The following MBNL1 variants were observed in gnomAD, a reference collection of about 807,000 sequenced individuals.
The protein encoded by MBNL1 is muscleblind like splicing regulator 1, also known as muscleblind-like protein 1.
A neutral mutation model predicts 42.2 loss-of-function variants in MBNL1; 8 were observed. The ratio of observed to expected loss-of-function variants is 0.19; its 90% CI spans 0.11 to 0.34. The LOEUF is 0.34. Ranked by LOEUF, MBNL1 falls within the 10% of genes least tolerant of loss-of-function variation. The probability of loss-of-function intolerance (pLI) is 1.00; values close to 1 mark genes in which losing one functional copy is unlikely to be tolerated. For synonymous variants in MBNL1, 169 were observed against 173.9 expected (o/e 0.97, Z 0.22); for missense variants, 309 against 495.3 (o/e 0.62, Z 3.57).
intron 4 of MBNL1, among the ~76,000 whole-genome samples, chr3:152,440,988 A>G (rs2099138513): frequency 1.3e-5 from 2 of 152,170 alleles, no homozygotes; most frequent in Admixed American, 1.3e-4. Context: ...TTGGCCATTA[A>G]CTATTAAATT....
intron 1 of MBNL1, among the ~76,000 whole-genome samples, chr3:152,275,851 T>A (rs1388363922): frequency 6.6e-6 from 1 of 151,924 alleles, no homozygotes; most frequent in Non-Finnish European, 1.5e-5. Flanking sequence ...ATATTATTAT[T>A]ATTTTAATAT....
intron 2 of MBNL1, among the ~76,000 whole-genome samples, chr3:152,335,986 C>T (rs2089783494): frequency 1.3e-5 from 2 of 152,082 alleles, no homozygotes; most frequent in Non-Finnish European, 2.9e-5. Flanking sequence ...TGTGGCACTA[C>T]CGGACAGTAA....
At chr3:152,246,980 C>T (rs2033200346) in intron 2 of MBNL1, among the ~76,000 whole-genome samples, 1 of 152,036 alleles carries the variant, frequency 6.6e-6, no homozygotes. Context: ...TATTATTTTT[C>T]AAATAATAAT....
chr3:152,360,685 C>T (rs1258256726), intron 2 of MBNL1, among the ~76,000 whole-genome samples: 2 of 152,028 alleles, frequency 1.3e-5, no homozygotes, highest in Non-Finnish European at 2.9e-5. Flanking sequence ...ATTTTCTCCT[C>T]AGCTTTTATT....
chr3:152,284,801 T>G (rs773402361), intron 1 of MBNL1, among the ~76,000 whole-genome samples: 7 of 152,092 alleles, frequency 4.6e-5, no homozygotes, highest in Non-Finnish European at 1.0e-4. Context: ...ATTTTAAGCT[T>G]CTCTAAGAAA....
At chr3:152,409,098 T>G (rs1579799109) in intron 2 of MBNL1, among the ~76,000 whole-genome samples, 1 of 152,198 alleles carries the variant, frequency 6.6e-6, no homozygotes, top group Non-Finnish European at 1.5e-5. Flanking sequence ...CAAAAGCCAG[T>G]AAACTGTGAT....
At chr3:152,254,557 T>G (rs762889000) in intron 2 of MBNL1, among the ~76,000 whole-genome samples, 2 of 152,166 alleles carry the variant, frequency 1.3e-5, no homozygotes, top group Non-Finnish European at 2.9e-5. Flanking sequence ...TTCAATATTT[T>G]TTTGTAATTA....
intron 2 of MBNL1, among the ~76,000 whole-genome samples, chr3:152,258,433 A>G (rs2035755077): frequency 1.3e-5 from 2 of 152,228 alleles, no homozygotes; most frequent in Admixed American, 6.5e-5. Flanking sequence ...AGGCCATGGG[A>G]AATTACACTT....
chr3:152,370,483 G>T (rs1375708789), intron 2 of MBNL1, among the ~76,000 whole-genome samples: 1 of 152,132 alleles, frequency 6.6e-6, no homozygotes, highest in Non-Finnish European at 1.5e-5. Flanking sequence ...TGTTGATTTG[G>T]GGTGGAGAGT....
Position 152,286,359 on chromosome 3 carries a change from T to C in MBNL1, c.-789-13046T>C, listed in dbSNP as rs1560003920. On this transcript the variant is annotated intron_variant, in intron 1 of 9. Transcript: ENST00000324210. ...ATTTTATTTATAATATAAATATTTATATTTTATTTATAATATAAATATTTA... is the reference window on the plus strand; with the variant it reads ...ATTTTATTTATAATATAAATATTTACATTTTATTTATAATATAAATATTTA... Among the ~76,000 whole-genome samples the C allele has an allele frequency of 2.1e-5, 3 of 142,398 alleles. No homozygotes were observed. In the South Asian group the frequency reaches 6.4e-4, roughly 30 times the overall value. The allele number at this position is 142,398 out of a possible 152,430, so 93.4% of individuals were successfully genotyped here.
At chr3:152,410,227 A>C (rs2098534332) in intron 2 of MBNL1, among the ~76,000 whole-genome samples, 1 of 152,164 alleles carries the variant, frequency 6.6e-6, no homozygotes, top group Non-Finnish European at 1.5e-5. Flanking sequence ...CTTAATCTAA[A>C]TGTATATTTT....
At chr3:152,367,207 G>A (rs1246577089) in intron 2 of MBNL1, among the ~76,000 whole-genome samples, 2 of 149,446 alleles carry the variant, frequency 1.3e-5, no homozygotes, top group Non-Finnish European at 3.0e-5. Flanking sequence ...ACCCCAGAGT[G>A]TAATGTTCCC....
At chr3:152,420,389 GC>G (rs1415929562) in intron 3 of MBNL1, among the ~76,000 whole-genome samples, 1 of 152,192 alleles carries the variant, frequency 6.6e-6, no homozygotes, top group Non-Finnish European at 1.5e-5. Context: ...TCTGGTGGAT[GC>G]CCCTCTGGGA....
At chr3:152,338,133 C>T (rs2091716067) in intron 2 of MBNL1, 2 of 984,246 alleles carry the variant, frequency 2.0e-6, no homozygotes. Flanking sequence ...AATCTCCATA[C>T]CCACTTCATC....
chr3:152,313,758 A>G (rs16864166), intron 2 of MBNL1, among the ~76,000 whole-genome samples: 2,404 of 152,334 alleles, frequency 0.016, 57 homozygotes, highest in African/African-American at 0.055. Context: ...TTGAATGTAT[A>G]TAAGTGTGCA....
At position 152,300,122 on chromosome 3, in the gene MBNL1, T is replaced by G; in HGVS notation, c.-72T>G. Reference sequence around the variant, plus strand: ...CATCAGTTCAGCTTTTTTTTTTTGGTTGTTGCTCTTTTTTGGGGGGGTTGG... The same window carrying G: ...CATCAGTTCAGCTTTTTTTTTTTGGGTGTTGCTCTTTTTTGGGGGGGTTGG... On this transcript the variant is annotated 5_prime_UTR_variant, in exon 2 of 10. Transcript: ENST00000324210. 7 of 949,620 alleles carry G rather than the reference T, an allele frequency of 7.4e-6. No homozygotes were observed. Among genetic ancestry groups the G allele is most frequent in the Non-Finnish European group, 1.1e-5 (7 of 642,338 alleles). 58.8% of individuals were successfully genotyped at this position (949,620 alleles called of 1,614,324 possible).
At chr3:152,418,635 AGAG>A (rs2098744313) in intron 3 of MBNL1, among the ~76,000 whole-genome samples, 2 of 145,658 alleles carry the variant, frequency 1.4e-5, no homozygotes, top group Non-Finnish European at 3.0e-5. Flanking sequence ...AAAAAAAGAG[AGAG>A]AGAGAGAGAG....
intron 2 of MBNL1, among the ~76,000 whole-genome samples, chr3:152,250,458 T>C (rs1282125541): frequency 6.6e-6 from 1 of 152,046 alleles, no homozygotes; most frequent in African/African-American, 2.4e-5. Context: ...GTGATTTTTG[T>C]GCATTGATTT....
chr3:152,343,262 T>C (rs1446281068), intron 2 of MBNL1, among the ~76,000 whole-genome samples: 2 of 152,282 alleles, frequency 1.3e-5, no homozygotes, highest in East Asian at 3.9e-4. Context: ...AATCTTGTGT[T>C]CTTTCTCTTT....
Sources: gnomAD v4.1 joint callset for allele counts (sites outside exome capture counted in the v4.1 genomes callset) on GRCh38, gnomAD v4.1.1 for gene constraint, MANE v1.5 for transcripts, NCBI Gene and HGNC (gene_info 2026-07-23, HGNC 2026-07-21) for gene names.